The following CNTNAP5 variants were observed in gnomAD, a reference collection of about 807,000 sequenced individuals.
CNTNAP5 encodes the protein contactin associated protein family member 5, also known as contactin-associated protein-like 5.
CNTNAP5 carries 72 observed loss-of-function variants against 150.2 expected under a neutral mutation model. That is an observed-to-expected ratio of 0.48 (90% CI 0.40 to 0.58). CNTNAP5 has a LOEUF of 0.58. Ranked by LOEUF, CNTNAP5 falls within the 20% of genes least tolerant of loss-of-function variation. The pLI is 0.00. For missense variants in CNTNAP5, 1,636 were observed against 1,626.2 expected (o/e 1.01, Z -0.10); for synonymous variants, 672 against 619.8 (o/e 1.08, Z -1.25).
At chr2:124,753,121 C>A (rs750830800) in intron 14 of CNTNAP5, among the ~76,000 whole-genome samples, 1 of 151,888 alleles carries the variant, frequency 6.6e-6, no homozygotes, top group African/African-American at 2.4e-5. Context: ...CTTAGTGTAC[C>A]CTTGTATAAA....
At chr2:124,119,782 ATT>A (rs1683517239) in intron 1 of CNTNAP5, among the ~76,000 whole-genome samples, 1 of 152,186 alleles carries the variant, frequency 6.6e-6, no homozygotes, top group African/African-American at 2.4e-5. Flanking sequence ...ATAACATTTT[ATT>A]TAATAAAGTC....
intron 10 of CNTNAP5, among the ~76,000 whole-genome samples, chr2:124,543,467 G>T (rs769549352): frequency 6.6e-6 from 1 of 152,128 alleles, no homozygotes; most frequent in Non-Finnish European, 1.5e-5. Context: ...ACTCCTACAG[G>T]CTGAGTAGTG....
intron 13 of CNTNAP5, among the ~76,000 whole-genome samples, chr2:124,671,900 A>C (rs1011446868): frequency 5.9e-5 from 9 of 152,162 alleles, no homozygotes; most frequent in African/African-American, 2.2e-4. Flanking sequence ...TTGGCCTCCC[A>C]AAGTGCTGTA....
chr2:124,347,144 G>T (rs1170783264), intron 3 of CNTNAP5, among the ~76,000 whole-genome samples: 4 of 151,920 alleles, frequency 2.6e-5, no homozygotes, highest in Non-Finnish European at 5.9e-5. Flanking sequence ...TGTGTTTTCT[G>T]AGCCACTATG....
chr2:124,805,628 T>A (rs1203153499), intron 19 of CNTNAP5, among the ~76,000 whole-genome samples: 1 of 152,202 alleles, frequency 6.6e-6, no homozygotes, highest in African/African-American at 2.4e-5. Flanking sequence ...CAATCAACTC[T>A]ACAAACATCT....
At chr2:124,672,069 C>T (rs1240282676) in intron 13 of CNTNAP5, among the ~76,000 whole-genome samples, 2 of 152,170 alleles carry the variant, frequency 1.3e-5, no homozygotes, top group Non-Finnish European at 2.9e-5. Context: ...TTTGTTTTAC[C>T]TCCTCACATT....
chr2:124,061,931 A>G (rs1682020128), intron 1 of CNTNAP5, among the ~76,000 whole-genome samples: 1 of 152,186 alleles, frequency 6.6e-6, no homozygotes. Context: ...TCCAATGAGC[A>G]GGAATCTGGC....
intron 4 of CNTNAP5, among the ~76,000 whole-genome samples, chr2:124,423,555 T>C (rs927251659): frequency 1.3e-5 from 2 of 151,708 alleles, no homozygotes; most frequent in African/African-American, 2.4e-5. Flanking sequence ...AGACGGGGTT[T>C]CACCGTGGTC....
chr2:124,864,144 G>A (rs922639676), intron 19 of CNTNAP5, among the ~76,000 whole-genome samples: 1 of 152,146 alleles, frequency 6.6e-6, no homozygotes, highest in African/African-American at 2.4e-5. Flanking sequence ...CAGTGTCTGA[G>A]ATAAAGTAGC....
intron 12 of CNTNAP5, among the ~76,000 whole-genome samples, chr2:124,632,891 C>T (rs868634382): frequency 8.6e-5 from 13 of 151,934 alleles, no homozygotes; most frequent in Admixed American, 8.5e-4. Context: ...TCTTACATGT[C>T]CAAAGCTGGG....
chr2:124,389,100 G>A (rs756023005), intron 3 of CNTNAP5, among the ~76,000 whole-genome samples: 7 of 152,024 alleles, frequency 4.6e-5, no homozygotes, highest in Non-Finnish European at 7.4e-5. Flanking sequence ...ACTCAATAAG[G>A]TGAATTAAAG....
chr2:124,221,283 G>A (rs1017793552), intron 1 of CNTNAP5, among the ~76,000 whole-genome samples: 8 of 152,116 alleles, frequency 5.3e-5, no homozygotes, highest in African/African-American at 1.9e-4. Context: ...ACTGAAGATG[G>A]GAGAGTAGTC....
At chr2:124,428,581 G>T (rs551632513) in intron 4 of CNTNAP5, among the ~76,000 whole-genome samples, 2 of 152,172 alleles carry the variant, frequency 1.3e-5, no homozygotes, top group Non-Finnish European at 2.9e-5. Context: ...GTGAAGAAGA[G>T]CAGGGAACCC....
intron 10 of CNTNAP5, among the ~76,000 whole-genome samples, chr2:124,537,949 A>T (rs772709307): frequency 7.2e-5 from 11 of 152,176 alleles, no homozygotes; most frequent in Non-Finnish European, 1.2e-4. Context: ...ATTTTGGCCC[A>T]CCAGACGGTG....
At chr2:124,120,688 G>A (rs75132012) in intron 1 of CNTNAP5, among the ~76,000 whole-genome samples, 4,130 of 152,256 alleles carry the variant, frequency 0.027, 84 homozygotes, top group Middle Eastern at 0.044. Context: ...AAGTTTTCAA[G>A]CACTGCAGTG....
intron 13 of CNTNAP5, among the ~76,000 whole-genome samples, chr2:124,671,735 G>C (rs1678827526): frequency 6.6e-6 from 1 of 152,078 alleles, no homozygotes; most frequent in African/African-American, 2.4e-5. Flanking sequence ...TGCCTCCCAG[G>C]TTCAAGTGAT....
intron 13 of CNTNAP5, among the ~76,000 whole-genome samples, chr2:124,697,136 GA>G (rs1327727884): frequency 6.6e-6 from 1 of 151,928 alleles, no homozygotes; most frequent in African/African-American, 2.4e-5. Context: ...TAAATTTACG[GA>G]AATACTGAGA....
intron 12 of CNTNAP5, among the ~76,000 whole-genome samples, 194 bp downstream of exon 12, chr2:124,610,114 A>G (rs1677348672): frequency 6.6e-6 from 1 of 152,246 alleles, no homozygotes; most frequent in Admixed American, 6.5e-5. Context: ...CAGAAAAAAG[A>G]AAACTTGTTA....
At chr2:124,380,648 G>A (rs567344953) in intron 3 of CNTNAP5, among the ~76,000 whole-genome samples, 84 of 152,038 alleles carry the variant, frequency 5.5e-4, no homozygotes, top group African/African-American at 2.0e-3. Flanking sequence ...CATCTCTTTC[G>A]AAATTTGTAA....
Sources: gnomAD v4.1 joint callset for allele counts (sites outside exome capture counted in the v4.1 genomes callset) on GRCh38, gnomAD v4.1.1 for gene constraint, MANE v1.5 for transcripts, NCBI Gene and HGNC (gene_info 2026-07-23, HGNC 2026-07-21) for gene names.